Variants in CNTNAP2 observed in about 807,000 individuals in gnomAD.
CNTNAP2 encodes the protein contactin associated protein 2, also known as contactin-associated protein-like 2.
Under a neutral mutation model 155.2 loss-of-function variants are expected in CNTNAP2, and 98 were observed. The observed-to-expected ratio is 0.63, with a 90% CI of 0.54 to 0.75. The LOEUF is 0.75. CNTNAP2 is among the 30% of genes least tolerant of loss of function. The pLI is 0.00. For synonymous variants in CNTNAP2, 651 were observed against 631.2 expected, an observed-to-expected ratio of 1.03 and a Z score of -0.47; for missense variants, 1,727 against 1,688.1, an observed-to-expected ratio of 1.02 and a Z score of -0.40.
intron 7 of CNTNAP2, 82 bp from the exon 8 acceptor site, chr7:147,132,163 G>C (rs1801387428): frequency 3.2e-6 from 5 of 1,568,174 alleles, no homozygotes; most frequent in African/African-American, 1.3e-5. Flanking sequence ...AAAACTTGTA[G>C]AACTATACTT....
At chr7:147,240,196 G>A (rs901552582) in intron 8 of CNTNAP2, among the ~76,000 whole-genome samples, 9 of 152,110 alleles carry the variant, frequency 5.9e-5, no homozygotes, top group Non-Finnish European at 1.3e-4. Context: ...CATGGCATGC[G>A]CCTCTCGTTC....
chr7:146,952,562 T>A (rs1380866477), intron 3 of CNTNAP2, among the ~76,000 whole-genome samples: 1 of 152,148 alleles, frequency 6.6e-6, no homozygotes, highest in African/African-American at 2.4e-5. Flanking sequence ...CTGAAGCTGA[T>A]AAGCAACTTC....
chr7:147,906,611 C>G (rs1799962709), intron 14 of CNTNAP2, among the ~76,000 whole-genome samples: 1 of 151,954 alleles, frequency 6.6e-6, no homozygotes, highest in African/African-American at 2.4e-5. Context: ...AGGTGCCCAC[C>G]ACCATGCCCA....
intron 8 of CNTNAP2, among the ~76,000 whole-genome samples, chr7:147,195,343 G>A (rs1483860448): frequency 6.6e-6 from 1 of 152,168 alleles, no homozygotes; most frequent in Admixed American, 6.5e-5. Context: ...ATAGTTTGAA[G>A]TTAGGTAGCG....
At chr7:147,564,802 T>A (rs1800136204) in intron 12 of CNTNAP2, among the ~76,000 whole-genome samples, 1 of 151,906 alleles carries the variant, frequency 6.6e-6, no homozygotes, top group Admixed American at 6.6e-5. Flanking sequence ...AAATGACTTC[T>A]GAGCTCTAAG....
chr7:148,195,957 A>G (rs1795270518), intron 18 of CNTNAP2, among the ~76,000 whole-genome samples: 1 of 152,236 alleles, frequency 6.6e-6, no homozygotes, highest in Non-Finnish European at 1.5e-5. Context: ...CTGACCTGCA[A>G]AATGTTAGTG....
intron 10 of CNTNAP2, among the ~76,000 whole-genome samples, chr7:147,421,222 G>T (rs952572530): frequency 1.3e-5 from 2 of 152,094 alleles, no homozygotes; most frequent in South Asian, 4.1e-4. Flanking sequence ...TATTTTAAAA[G>T]TTCATTTCCA....
At chr7:147,678,488 G>A (rs1478957785) in intron 13 of CNTNAP2, among the ~76,000 whole-genome samples, 2 of 151,698 alleles carry the variant, frequency 1.3e-5, no homozygotes, top group Admixed American at 1.3e-4. Flanking sequence ...CAAGGTCTTG[G>A]CTTTGTTAAT....
At chr7:148,258,855 AC>A (rs1236032396) in intron 20 of CNTNAP2, among the ~76,000 whole-genome samples, 1 of 151,840 alleles carries the variant, frequency 6.6e-6, no homozygotes, top group Non-Finnish European at 1.5e-5. Flanking sequence ...ACATAGTGAG[AC>A]CCCATCTCTC....
At chr7:146,853,777 G>T (rs976107595) in intron 3 of CNTNAP2, among the ~76,000 whole-genome samples, 3 of 152,116 alleles carry the variant, frequency 2.0e-5, no homozygotes, top group Admixed American at 2.0e-4. Flanking sequence ...GGTCTCATCA[G>T]CTAGGAAAGT....
At chr7:147,949,835 T>A (rs1405483182) in intron 14 of CNTNAP2, among the ~76,000 whole-genome samples, 2 of 152,082 alleles carry the variant, frequency 1.3e-5, no homozygotes, top group Non-Finnish European at 2.9e-5. Context: ...CTTCCACCCA[T>A]GACTGAGAAT....
chr7:147,802,437 G>A (rs547029879), intron 13 of CNTNAP2, among the ~76,000 whole-genome samples: 2 of 152,060 alleles, frequency 1.3e-5, no homozygotes, highest in Non-Finnish European at 2.9e-5. Context: ...CTGGGAGGTG[G>A]AAGTTGTAGC....
intron 1 of CNTNAP2, among the ~76,000 whole-genome samples, chr7:146,163,983 T>G (rs1429461005): frequency 6.6e-6 from 1 of 152,186 alleles, no homozygotes. Context: ...AAGTGCTTTC[T>G]CTGAAAATAA....
At chr7:148,222,841 G>A (rs549620118) in intron 19 of CNTNAP2, among the ~76,000 whole-genome samples, 73 of 152,292 alleles carry the variant, frequency 4.8e-4, no homozygotes, top group Non-Finnish European at 9.6e-4. Flanking sequence ...TGGGTGAGAT[G>A]GTGGCCTGTA....
chr7:148,001,940 G>C (rs541553748), intron 15 of CNTNAP2, among the ~76,000 whole-genome samples: 1 of 151,892 alleles, frequency 6.6e-6, no homozygotes, highest in South Asian at 2.1e-4. Context: ...ATATTTTATG[G>C]TTTTCCAAAT....
At chr7:146,931,777 T>C (rs1422133774) in intron 3 of CNTNAP2, among the ~76,000 whole-genome samples, 1 of 150,220 alleles carries the variant, frequency 6.7e-6, no homozygotes, top group Non-Finnish European at 1.5e-5. Flanking sequence ...CCCACAGAAA[T>C]ACAAACTACC....
At chr7:148,054,565 A>C (rs1429419342) in intron 15 of CNTNAP2, among the ~76,000 whole-genome samples, 1 of 151,212 alleles carries the variant, frequency 6.6e-6, no homozygotes, top group Admixed American at 6.6e-5. Flanking sequence ...ACATGCACAT[A>C]AGCTTTAGCA....
intron 8 of CNTNAP2, among the ~76,000 whole-genome samples, chr7:147,207,215 G>A (rs1420795849): frequency 6.6e-6 from 1 of 152,124 alleles, no homozygotes; most frequent in South Asian, 2.1e-4. Flanking sequence ...AATGTGTATG[G>A]GGAAGTGGTG....
At chr7:146,252,884 G>A (rs973079328) in intron 1 of CNTNAP2, among the ~76,000 whole-genome samples, 3 of 141,414 alleles carry the variant, frequency 2.1e-5, no homozygotes, top group African/African-American at 6.3e-5. Flanking sequence ...TTGCCTCATC[G>A]TAATGATAAT....
Sources: allele counts gnomAD v4.1 joint callset (sites outside exome capture counted in the v4.1 genomes callset), GRCh38; gene constraint gnomAD v4.1.1; transcripts MANE v1.5; gene names NCBI Gene and HGNC (gene_info 2026-07-23, HGNC 2026-07-21).